The following FGGY variants were observed in gnomAD, a reference collection of about 807,000 sequenced individuals.
The protein encoded by FGGY is FGGY carbohydrate kinase domain containing, also known as FGGY carbohydrate kinase domain-containing protein.
FGGY carries 72 observed loss-of-function variants against 71.3 expected under a neutral mutation model. That is an observed-to-expected ratio of 1.01 (90% CI 0.84 to 1.23). The LOEUF (loss-of-function observed/expected upper bound fraction) is 1.23. Among genes scored for constraint, FGGY ranks in the 50% most tolerant of loss-of-function variants. The probability of loss-of-function intolerance (pLI) is 0.00; values close to 1 mark genes in which losing one functional copy is unlikely to be tolerated. For synonymous variants in FGGY, 251 were observed against 250.3 expected (o/e 1.00, Z -0.02); for missense variants, 668 against 682.3 (o/e 0.98, Z 0.23).
At position 59,445,246 on chromosome 1, in the gene FGGY, G is replaced by C. The variant is rs572307102; in HGVS notation, c.555-11715G>C. Reference sequence around the variant, plus strand: ...GCACAGCAAGGATCTTGCTGAGATGGGTGTGGCCACTTGCTTGCCTCACTT... The same window carrying C: ...GCACAGCAAGGATCTTGCTGAGATGCGTGTGGCCACTTGCTTGCCTCACTT... On this transcript the variant is annotated intron_variant, in intron 5 of 15. Coordinates refer to ENST00000303721, the MANE Select transcript of FGGY (RefSeq NM_018291.5). Among the ~76,000 whole-genome samples, 11 of 152,238 alleles carry C rather than the reference G, an allele frequency of 7.2e-5. No homozygotes were observed. In the South Asian group the frequency reaches 2.3e-3, roughly 32 times the overall value.
At position 59,321,613 on chromosome 1, in the gene FGGY, GT is replaced by G. The variant is rs761528063; in HGVS notation, c.65del (p.Val22AlafsTer54). On this transcript the variant is annotated frameshift_variant, in exon 2 of 16. Coordinates refer to ENST00000303721, the MANE Select transcript of FGGY (RefSeq NM_018291.5). LOFTEE classifies it high-confidence loss of function. ...GGGTGTGGACGTTGGAACAGGCAGT[GT>G]CCGTGCAGCTCTGGTGGACCAGAGT... ...YVGVDVGTGS[V>X]RAALVDQSGV... 8.7e-6 allele frequency: 14 copies of G among 1,613,826 alleles called. No homozygotes were observed. The South Asian group carries it at 1.3e-4, about 15-fold the overall frequency.
intron 14 of FGGY, among the ~76,000 whole-genome samples, chr1:59,747,973 G>A (rs902689511): frequency 6.6e-6 from 1 of 152,144 alleles, no homozygotes; most frequent in African/African-American, 2.4e-5. Context: ...ACTAGCTTAA[G>A]CAAGTACTTA....
At chr1:59,419,677 G>A (rs1571919720) in intron 5 of FGGY, among the ~76,000 whole-genome samples, 1 of 152,296 alleles carries the variant, frequency 6.6e-6, no homozygotes, top group Non-Finnish European at 1.5e-5. Context: ...AAGGCCCTAA[G>A]AGGAGAAAAG....
At chr1:59,378,587 A>G (rs1246996802) in intron 4 of FGGY, among the ~76,000 whole-genome samples, 162 bp from the exon 5 acceptor site, 1 of 152,016 alleles carries the variant, frequency 6.6e-6, no homozygotes, top group African/African-American at 2.4e-5. Context: ...TTCCTGTATA[A>G]GTACTGCTTT....
chr1:59,614,658 G>T (rs2096730714), intron 9 of FGGY, among the ~76,000 whole-genome samples: 1 of 152,160 alleles, frequency 6.6e-6, no homozygotes, highest in African/African-American at 2.4e-5. Flanking sequence ...GGGCAATCAG[G>T]CAGGAGAAGG....
At chr1:59,317,192 T>C (rs1325558872) in intron 1 of FGGY, among the ~76,000 whole-genome samples, 1 of 152,236 alleles carries the variant, frequency 6.6e-6, no homozygotes, top group Non-Finnish European at 1.5e-5. Flanking sequence ...TAGATATTTC[T>C]TGCTGCATTT....
intron 12 of FGGY, among the ~76,000 whole-genome samples, chr1:59,666,052 C>G (rs1229831543): frequency 6.6e-6 from 1 of 152,164 alleles, no homozygotes; most frequent in African/African-American, 2.4e-5. Context: ...TCACTACATT[C>G]CTAGGTTTCA....
At chr1:59,603,705 A>G (rs1016859538) in intron 8 of FGGY, among the ~76,000 whole-genome samples, 1 of 152,144 alleles carries the variant, frequency 6.6e-6, no homozygotes, top group Admixed American at 6.5e-5. Context: ...TCTGTTGTTC[A>G]CTGGTATATC....
chr1:59,445,554 C>T, intron 5 of FGGY, among the ~76,000 whole-genome samples: 1 of 152,188 alleles, frequency 6.6e-6, no homozygotes, highest in East Asian at 1.9e-4. Flanking sequence ...AACCAGACTT[C>T]ATTTTCCCAA....
At chr1:59,568,223 G>A (rs1187608278) in intron 8 of FGGY, among the ~76,000 whole-genome samples, 1 of 152,112 alleles carries the variant, frequency 6.6e-6, no homozygotes, top group Non-Finnish European at 1.5e-5. Flanking sequence ...CAAATGAATT[G>A]TGAAAAGACT....
chr1:59,579,915 C>T (rs1312036269), intron 8 of FGGY, among the ~76,000 whole-genome samples: 4 of 152,200 alleles, frequency 2.6e-5, no homozygotes, highest in African/African-American at 9.7e-5. Context: ...TCTTCTGTCC[C>T]CTTTCTCACT....
intron 12 of FGGY, among the ~76,000 whole-genome samples, chr1:59,665,325 T>A (rs879791574): frequency 2.6e-4 from 40 of 152,230 alleles, no homozygotes; most frequent in Non-Finnish European, 5.4e-4. Flanking sequence ...TGAATTTTTT[T>A]AAACACACTA....
At chr1:59,537,961 CA>C (rs1243555222) in intron 7 of FGGY, among the ~76,000 whole-genome samples, 1 of 152,078 alleles carries the variant, frequency 6.6e-6, no homozygotes, top group African/African-American at 2.4e-5. Flanking sequence ...TCTAAAACAC[CA>C]AAAGCAATGG....
intron 8 of FGGY, among the ~76,000 whole-genome samples, chr1:59,576,388 G>A (rs1307080462): frequency 6.6e-6 from 1 of 152,066 alleles, no homozygotes; most frequent in East Asian, 1.9e-4. Flanking sequence ...ATCACACACT[G>A]AGGCCAGTCG....
At chr1:59,548,953 A>T (rs1037027823) in intron 7 of FGGY, among the ~76,000 whole-genome samples, 5 of 152,240 alleles carry the variant, frequency 3.3e-5, no homozygotes, top group African/African-American at 4.8e-5. Flanking sequence ...CATAAAGAAG[A>T]TAAGAAATCA....
chr1:59,580,983 T>C (rs1421001491), intron 8 of FGGY, among the ~76,000 whole-genome samples: 2 of 152,160 alleles, frequency 1.3e-5, no homozygotes, highest in African/African-American at 4.8e-5. Flanking sequence ...TAAATGGTGG[T>C]GGCCAGTAAG....
chr1:59,674,230 T>C, intron 14 of FGGY, 97 bp downstream of exon 14: 1 of 828,966 alleles, frequency 1.2e-6, no homozygotes, highest in Non-Finnish European at 2.0e-6. Flanking sequence ...ACACACAGGA[T>C]ATAATTAAGA....
chr1:59,345,904 T>C (rs553054106), intron 3 of FGGY, among the ~76,000 whole-genome samples: 42 of 152,180 alleles, frequency 2.8e-4, no homozygotes, highest in Non-Finnish European at 4.3e-4. Context: ...CTTTCCTGAA[T>C]GTATGCCCAG....
chr1:59,674,745 G>C (rs2097419644), intron 14 of FGGY, among the ~76,000 whole-genome samples: 1 of 152,124 alleles, frequency 6.6e-6, no homozygotes, highest in Admixed American at 6.5e-5. Context: ...CTAGTTTCTG[G>C]TGAGAGGGAA....
Sources: gnomAD v4.1 joint callset for allele counts (sites outside exome capture counted in the v4.1 genomes callset) on GRCh38, gnomAD v4.1.1 for gene constraint, MANE v1.5 for transcripts, NCBI Gene and HGNC (gene_info 2026-07-23, HGNC 2026-07-21) for gene names.